Variants in HMGXB4 observed in about 807,000 individuals in gnomAD.
HMGXB4 encodes HMG-box containing 4.
A neutral mutation model predicts 63.9 loss-of-function variants in HMGXB4; 27 were observed. The observed-to-expected ratio is 0.42, with a 90% CI of 0.31 to 0.58. HMGXB4 has a LOEUF of 0.58. HMGXB4 is among the 20% of genes least tolerant of loss of function. The pLI is 0.13. For synonymous variants in HMGXB4, 264 were observed against 265.3 expected (o/e 0.99, Z 0.05); for missense variants, 624 against 700.7 (o/e 0.89, Z 1.24).
chr22:35,249,970 A>C, the HMGXB4 span: 8 of 98,968 alleles, frequency 8.1e-5, 2 homozygotes, highest in East Asian at 2.3e-3. Flanking sequence ...GGTTAAGTAC[A>C]AACCCTCAGC....
At chr22:35,258,433 G>C (rs1232597316) in intron 1 of HMGXB4, 1 of 152,228 alleles carries the variant, frequency 6.6e-6, no homozygotes, top group Non-Finnish European at 1.5e-5. Context: ...ATTGGACAAG[G>C]CTTCTCAAAA....
the HMGXB4 span, among the ~76,000 whole-genome samples, chr22:35,243,096 C>T: frequency 2.6e-5 from 4 of 152,238 alleles, no homozygotes; most frequent in East Asian, 1.9e-4. Context: ...TGGGGCCAGG[C>T]GCGGTGGCTC....
In HMGXB4 at chr22:35,292,977, T is replaced by A. The variant is rs1925020706; in HGVS notation, c.1639-15T>A. 1 of 1,614,154 alleles carries A rather than the reference T, an allele frequency of 6.2e-7. No homozygotes were observed. The highest frequency in any genetic ancestry group is 8.5e-7 in the Non-Finnish European group (1 of 1,180,006). ...CAGGAGTGTGACTCAAGCAACAACCTCCTCTCCTTTTCAGGGTATGGTGGC... is the reference window on the plus strand; with the variant it reads ...CAGGAGTGTGACTCAAGCAACAACCACCTCTCCTTTTCAGGGTATGGTGGC... On this transcript the variant is annotated splice_polypyrimidine_tract_variant and intron_variant, in intron 9 of 10. Transcript: ENST00000216106.
intron 5 of HMGXB4, among the ~76,000 whole-genome samples, chr22:35,266,392 T>G (rs1181710729): frequency 6.6e-6 from 1 of 152,198 alleles, no homozygotes; most frequent in East Asian, 1.9e-4. Flanking sequence ...TATATGTTCT[T>G]TTACTGTCTG....
Position 35,263,071 on chromosome 22 carries a change from T to G in HMGXB4, c.32-7T>G, listed in dbSNP as rs764081484. 16 of 1,613,178 alleles carry G rather than the reference T, an allele frequency of 9.9e-6. No homozygotes were observed. The highest frequency in any genetic ancestry group is 1.3e-5 in the Non-Finnish European group (15 of 1,179,752). The stretch of plus-strand genomic sequence containing the variant: ...TTTCCTTTCCCAAATAAACCTGTGC[T>G]TCTCAGATTGTTTTGATGGTGATCA... On this transcript the variant is annotated splice_region_variant and splice_polypyrimidine_tract_variant and intron_variant, in intron 2 of 10. Coordinates refer to ENST00000216106, the MANE Select transcript of HMGXB4 (RefSeq NM_001003681.3).
At chr22:35,267,480 G>A (rs1417255123) in intron 5 of HMGXB4, among the ~76,000 whole-genome samples, 1 of 152,164 alleles carries the variant, frequency 6.6e-6, no homozygotes, top group Non-Finnish European at 1.5e-5. Flanking sequence ...GGAAGTGGAC[G>A]CATGGAGGCA....
chr22:35,273,691 C>T (rs1164207915), intron 5 of HMGXB4, among the ~76,000 whole-genome samples: 1 of 152,178 alleles, frequency 6.6e-6, no homozygotes, highest in African/African-American at 2.4e-5. Context: ...AACCTCCCAC[C>T]TTTAGGAACC....
At chr22:35,263,254 A>C in intron 3 of HMGXB4, 28 bp downstream of exon 3, 2 of 1,556,866 alleles carry the variant, frequency 1.3e-6, no homozygotes, top group Non-Finnish European at 1.7e-6. Flanking sequence ...AAATTAGGAA[A>C]GTCTTAAACT....
chr22:35,247,672 G>A, the HMGXB4 span, among the ~76,000 whole-genome samples: 2 of 152,020 alleles, frequency 1.3e-5, no homozygotes, highest in African/African-American at 2.4e-5. Context: ...TCCCTGTCTC[G>A]GAGGTCACTC....
At chr22:35,275,405 C>G (rs571090472) in intron 5 of HMGXB4, among the ~76,000 whole-genome samples, 1 of 152,270 alleles carries the variant, frequency 6.6e-6, no homozygotes, top group Admixed American at 6.5e-5. Flanking sequence ...CAGGCATGAG[C>G]TACCATGCCC....
At chr22:35,267,444 A>G (rs901568707) in intron 5 of HMGXB4, among the ~76,000 whole-genome samples, 2 of 152,310 alleles carry the variant, frequency 1.3e-5, no homozygotes, top group African/African-American at 2.4e-5. Flanking sequence ...GGTCAGGGAA[A>G]GCTTGAAGAA....
chr22:35,284,090 T>C, intron 6 of HMGXB4, 47 bp downstream of exon 6: 2 of 1,297,026 alleles, frequency 1.5e-6, no homozygotes, highest in East Asian at 2.3e-5. Flanking sequence ...CATTTATATC[T>C]TGAAGCAGTG....
chr22:35,246,254 T>A, the HMGXB4 span, among the ~76,000 whole-genome samples: 1 of 151,080 alleles, frequency 6.6e-6, no homozygotes, highest in African/African-American at 2.4e-5. Flanking sequence ...CTGTGGTGTT[T>A]GACTGGAGTG....
chr22:35,291,571 T>C (rs1924936285), intron 9 of HMGXB4, among the ~76,000 whole-genome samples: 1 of 152,178 alleles, frequency 6.6e-6, no homozygotes, highest in Non-Finnish European at 1.5e-5. Context: ...TAAATAAATA[T>C]AGGGCAAAGG....
Position 35,263,874 on chromosome 22 carries a change from G to C in HMGXB4, c.259G>C (p.Asp87His). Residue 87 changes from aspartate to histidine, a missense_variant and splice_region_variant, in exon 4 of 11, where the codon GAT becomes CAT. By Grantham distance (81) the Asp-to-His change is moderately conservative. This residue lies in a region of HMGXB4 where 472 missense variants were observed against 470.6 expected (regional missense o/e 1.00). Transcript: ENST00000216106. ...CTCCTCTGATGATTACTACTATGGA[G>C]GTGAGGATGGGAATGGGCAACAGGT... is the stretch of plus-strand genomic sequence containing the variant. ...KHSSDDYYYG[D>H]ISSLESSQKK... The C allele has an allele frequency of 6.2e-7, 1 of 1,612,862 alleles. No homozygotes were observed. Among genetic ancestry groups the C allele is most frequent in the Non-Finnish European group, 8.5e-7 (1 of 1,178,846 alleles).
At chr22:35,246,259 G>A in the HMGXB4 span, among the ~76,000 whole-genome samples, 2 of 152,200 alleles carry the variant, frequency 1.3e-5, no homozygotes, top group African/African-American at 4.8e-5. Context: ...GTGTTTGACT[G>A]GAGTGGAGCA....
chr22:35,288,880 G>T (rs1924756910), intron 9 of HMGXB4, among the ~76,000 whole-genome samples: 1 of 152,184 alleles, frequency 6.6e-6, no homozygotes, highest in Non-Finnish European at 1.5e-5. Flanking sequence ...GGTGGCTTAT[G>T]CCTGTAATCC....
chr22:35,256,472 C>T (rs925954346), upstream of HMGXB4, among the ~76,000 whole-genome samples: 9 of 152,114 alleles, frequency 5.9e-5, no homozygotes, highest in Admixed American at 5.2e-4. Context: ...TACTACTGAA[C>T]TGTACTAGAA....
In HMGXB4 at chr22:35,286,116, T is replaced by C. The variant is rs868469425; in HGVS notation, c.1362+55T>C. 2.0e-5 allele frequency: 25 copies of C among 1,256,082 alleles called. No individual in the cohort carries two copies. The Middle Eastern group carries it at 1.0e-3, about 51-fold the overall frequency. 77.8% of individuals were successfully genotyped at this position (1,256,082 alleles called of 1,614,324 possible). ...TCAGTGCTTCTCGCCTTCCAAAATA[T>C]GTAATTCTTCCATAGACTAGCCAGC... is the stretch of plus-strand genomic sequence containing the variant. On this transcript the variant is annotated intron_variant, in intron 7 of 10. Transcript: ENST00000216106.
Sources: allele counts gnomAD v4.1 joint callset (sites outside exome capture counted in the v4.1 genomes callset), GRCh38; gene constraint gnomAD v4.1.1; regional missense constraint gnomAD v4.1.1; transcripts MANE v1.5; gene names NCBI Gene and HGNC (gene_info 2026-07-23, HGNC 2026-07-21).